The following LGR6 variants were observed in gnomAD, a reference collection of about 807,000 sequenced individuals.
The protein encoded by LGR6 is leucine-rich repeat-containing G protein-coupled receptor 6.
LGR6 carries 45 observed loss-of-function variants against 69.4 expected under a neutral mutation model. The ratio of observed to expected loss-of-function variants is 0.65; its 90% confidence interval spans 0.51 to 0.83. The LOEUF (loss-of-function observed/expected upper bound fraction) is 0.83. LGR6 is among the 40% of genes least tolerant of loss of function. The probability of loss-of-function intolerance (pLI) is 0.00; values close to 1 mark genes in which losing one functional copy is unlikely to be tolerated. For synonymous variants in LGR6, 538 were observed against 555.0 expected (o/e 0.97, Z 0.43); for missense variants, 1,108 against 1,246.7 (o/e 0.89, Z 1.68).
chr1:202,252,905 C>T (rs1375782594), intron 4 of LGR6, among the ~76,000 whole-genome samples: 2 of 152,228 alleles, frequency 1.3e-5, no homozygotes, highest in Non-Finnish European at 2.9e-5. Context: ...TGCTAGGTGC[C>T]AAGCATTGTG....
At chr1:202,295,904 TG>T (rs1558070637) in intron 6 of LGR6, among the ~76,000 whole-genome samples, 1 of 114,926 alleles carries the variant, frequency 8.7e-6, no homozygotes, top group Non-Finnish European at 1.9e-5. Flanking sequence ...TGTGTGTGTG[TG>T]TGTGTGTGTG....
intron 16 of LGR6, among the ~76,000 whole-genome samples, chr1:202,313,250 C>T (rs1322797203): frequency 1.3e-5 from 2 of 151,900 alleles, no homozygotes; most frequent in Non-Finnish European, 2.9e-5. Flanking sequence ...AAGTGTAAAG[C>T]CTGGACTTAG....
At chr1:202,275,978 T>C (rs747311337) in intron 4 of LGR6, among the ~76,000 whole-genome samples, 1 of 152,048 alleles carries the variant, frequency 6.6e-6, no homozygotes, top group Non-Finnish European at 1.5e-5. Flanking sequence ...TAGAAACATA[T>C]GGTGTAGAGG....
intron 1 of LGR6, among the ~76,000 whole-genome samples, chr1:202,215,020 T>TGCGCGCGC (rs1553239912): frequency 7.4e-6 from 1 of 135,812 alleles, no homozygotes; most frequent in African/African-American, 2.6e-5. Context: ...TGTGTGTGTG[T>TGCGCGCGC]GCGCGCGCGC....
At chr1:202,225,725 A>G (rs1219546074) in intron 2 of LGR6, among the ~76,000 whole-genome samples, 2 of 152,012 alleles carry the variant, frequency 1.3e-5, no homozygotes, top group African/African-American at 4.8e-5. Flanking sequence ...CTTTGAAACC[A>G]GCTCCTCTTT....
At position 202,318,542 on chromosome 1, in the gene LGR6, G is replaced by A. The variant is rs375984610; in HGVS notation, c.2239G>A (p.Val747Met). The A allele has an allele frequency of 1.1e-5, 17 of 1,613,948 alleles. No homozygotes were observed. The East Asian group carries it at 1.8e-4, about 17-fold the overall frequency. ...VMMNSFCFLV[V>M]AGAYIKLYCD... ...GATGAACTCCTTCTGTTTCCTGGTC[G>A]TGGCCGGTGCCTACATCAAACTGTA... The change falls in exon 18 of 18, where the codon GTG (valine) becomes ATG (methionine). Residue 747 changes from valine to methionine, a missense_variant. Coordinates refer to ENST00000367278, the MANE Select transcript of LGR6 (RefSeq NM_001017403.2).
Position 202,318,862 on chromosome 1 carries a change from T to C in LGR6, c.2559T>C (p.Tyr853=). 1 of 1,613,822 alleles carries C rather than the reference T, an allele frequency of 6.2e-7. No individual in the cohort carries two copies. The stretch of plus-strand genomic sequence containing the variant: ...CAGGGGACTCAGGGCCCCTAGCCTA[T>C]GCTGCGGCCGGGGAGCTGGAGAAGA... ...PRAGDSGPLA[Y]AAAGELEKSS... The change falls in exon 18 of 18, where the codon TAT becomes TAC. Residue 853 remains tyrosine (Y), a synonymous_variant. Transcript: ENST00000367278.
Position 202,316,666 on chromosome 1 carries a change from T to G in LGR6, c.1649-1286T>G, listed in dbSNP as rs529797377. 5.9e-5 allele frequency among the ~76,000 whole-genome samples: 9 copies of G among 152,328 alleles called. No individual in the cohort carries two copies. In the South Asian group the frequency reaches 1.9e-3, roughly 32 times the overall value. On this transcript the variant is annotated intron_variant, in intron 17 of 17. Transcript: ENST00000367278. ...GTTATCTCTGAGAGGTGAAGTCTCA[T>G]GTCATTTTAATGTTTTCATGTTATA...
chr1:202,235,917 C>T lies in LGR6; in HGVS notation c.357-5C>T, dbSNP rs752618260. 2.8e-5 allele frequency: 45 copies of T among 1,613,878 alleles called. No homozygotes were observed. Among genetic ancestry groups the T allele is most frequent in the African/African-American group, 8.0e-5 (6 of 75,036 alleles). ...GTCCTTAAAGCCCTTTCTCTTCTCCCGTAGGATGCTGCAGAACAATCAGCT... is the reference window on the plus strand; with the variant it reads ...GTCCTTAAAGCCCTTTCTCTTCTCCTGTAGGATGCTGCAGAACAATCAGCT... On this transcript the variant is annotated splice_polypyrimidine_tract_variant and splice_region_variant and intron_variant, in intron 3 of 17. Coordinates refer to ENST00000367278, the MANE Select transcript of LGR6 (RefSeq NM_001017403.2).
chr1:202,272,575 T>C (rs1665193529), intron 4 of LGR6, among the ~76,000 whole-genome samples: 1 of 152,178 alleles, frequency 6.6e-6, no homozygotes, highest in Admixed American at 6.5e-5. Context: ...GCCTGGAGGC[T>C]CAGCCCATCC....
chr1:202,203,729 G>A, intron 1 of LGR6: 1 of 1,405,652 alleles, frequency 7.1e-7, no homozygotes, highest in Non-Finnish European at 1.0e-6. Flanking sequence ...GCGGGGCACA[G>A]AGGAGGGAAC....
At chr1:202,231,051 C>G (rs1465944114) in intron 3 of LGR6, among the ~76,000 whole-genome samples, 1 of 152,162 alleles carries the variant, frequency 6.6e-6, no homozygotes, top group Non-Finnish European at 1.5e-5. Context: ...GACTAAGGCT[C>G]TTAGAAGGCA....
chr1:202,199,408 G>A (rs1276773093), intron 1 of LGR6, among the ~76,000 whole-genome samples: 1 of 152,144 alleles, frequency 6.6e-6, no homozygotes, highest in Non-Finnish European at 1.5e-5. Context: ...ATGTGTGGGG[G>A]AGCCAACACC....
intron 6 of LGR6, among the ~76,000 whole-genome samples, chr1:202,283,733 G>A (rs906756815): frequency 6.6e-6 from 1 of 152,200 alleles, no homozygotes; most frequent in Admixed American, 6.5e-5. Flanking sequence ...TGCAGCACAC[G>A]TGCCACATGT....
intron 4 of LGR6, among the ~76,000 whole-genome samples, chr1:202,247,788 A>T (rs1041585975): frequency 1.3e-5 from 2 of 152,174 alleles, no homozygotes; most frequent in Non-Finnish European, 2.9e-5. Context: ...CTCTGATCCC[A>T]TCATGACGTT....
At chr1:202,204,539 T>C (rs1218031628) in intron 1 of LGR6, among the ~76,000 whole-genome samples, 6 of 50,976 alleles carry the variant, frequency 1.2e-4, no homozygotes, top group Non-Finnish European at 1.2e-4. Context: ...ACACACCTCC[T>C]TCAAACACAC....
chr1:202,215,305 T>C (rs1049144785), intron 1 of LGR6, among the ~76,000 whole-genome samples: 1 of 152,206 alleles, frequency 6.6e-6, no homozygotes, highest in Non-Finnish European at 1.5e-5. Context: ...TCTTCCCACC[T>C]GCATCAGCTC....
intron 1 of LGR6, among the ~76,000 whole-genome samples, chr1:202,214,903 T>C (rs12129763): frequency 0.36 from 54,307 of 151,922 alleles, 10,034 homozygotes; most frequent in Non-Finnish European, 0.41. Context: ...TGCTCTTTTC[T>C]CCTAGATTCA....
At chr1:202,277,063 C>T (rs965671581) in intron 5 of LGR6, among the ~76,000 whole-genome samples, 4 of 152,322 alleles carry the variant, frequency 2.6e-5, no homozygotes, top group Admixed American at 6.5e-5. Flanking sequence ...TCTGCCTCCC[C>T]AGTGGGAACT....
Sources: gnomAD v4.1 joint callset for allele counts (sites outside exome capture counted in the v4.1 genomes callset) on GRCh38, gnomAD v4.1.1 for gene constraint, MANE v1.5 for transcripts, NCBI Gene and HGNC (gene_info 2026-07-23, HGNC 2026-07-21) for gene names.